Variants in GPR39 observed in about 807,000 individuals in gnomAD.
The protein encoded by GPR39 is G protein-coupled receptor 39.
GPR39 carries 23 observed loss-of-function variants against 18.4 expected under a neutral mutation model. That is an observed-to-expected ratio of 1.25 (90% CI 0.90 to 1.77). GPR39 has a LOEUF of 1.77. Ranked by LOEUF, GPR39 falls within the 40% of genes most tolerant of loss-of-function variation. The pLI is 0.00. For synonymous variants in GPR39, 280 were observed against 257.9 expected (o/e 1.09, Z -0.82); for missense variants, 647 against 602.4 (o/e 1.07, Z -0.78).
intron 1 of GPR39, among the ~76,000 whole-genome samples, chr2:132,574,738 A>C (rs543301500): frequency 6.6e-6 from 1 of 152,360 alleles, no homozygotes; most frequent in South Asian, 2.1e-4. Flanking sequence ...TTGTCGCTAA[A>C]TGAATAAATG....
chr2:132,435,412 A>G (rs1380047131), intron 1 of GPR39, among the ~76,000 whole-genome samples: 1 of 152,336 alleles, frequency 6.6e-6, no homozygotes, highest in African/African-American at 2.4e-5. Flanking sequence ...TGATTGTCTA[A>G]TAACTTTCTC....
intron 1 of GPR39, among the ~76,000 whole-genome samples, chr2:132,462,672 G>C (rs1680855860): frequency 6.6e-6 from 1 of 152,090 alleles, no homozygotes; most frequent in African/African-American, 2.4e-5. Flanking sequence ...CTGTCTAATA[G>C]TATAGAGTTT....
chr2:132,523,489 G>A (rs996278161), intron 1 of GPR39: 1 of 152,106 alleles, frequency 6.6e-6, no homozygotes, highest in African/African-American at 2.4e-5. Flanking sequence ...AAAAAAAAAG[G>A]AGTCCAATCC....
At chr2:132,617,956 G>A (rs1370320153) in intron 1 of GPR39, among the ~76,000 whole-genome samples, 1 of 152,178 alleles carries the variant, frequency 6.6e-6, no homozygotes. Context: ...TCAGAAGTGG[G>A]CTGTGGCCTG....
chr2:132,569,642 G>A (rs1221747813), intron 1 of GPR39, among the ~76,000 whole-genome samples: 1 of 151,658 alleles, frequency 6.6e-6, no homozygotes, highest in Non-Finnish European at 1.5e-5. Context: ...GGTGGGGGGG[G>A]TCCCATCGTT....
intron 1 of GPR39, among the ~76,000 whole-genome samples, chr2:132,489,401 C>T (rs1573627037): frequency 6.6e-6 from 1 of 152,114 alleles, no homozygotes; most frequent in Non-Finnish European, 1.5e-5. Flanking sequence ...CTGCTCCTAG[C>T]TCTGGTGACT....
chr2:132,425,067 A>G (rs1343726460), intron 1 of GPR39, among the ~76,000 whole-genome samples: 2 of 152,150 alleles, frequency 1.3e-5, no homozygotes, highest in African/African-American at 2.4e-5. Flanking sequence ...TCTATTGCTC[A>G]ATGGTCTATT....
At chr2:132,611,614 G>A (rs1350073917) in intron 1 of GPR39, among the ~76,000 whole-genome samples, 1 of 139,446 alleles carries the variant, frequency 7.2e-6, no homozygotes, top group Non-Finnish European at 1.5e-5. Flanking sequence ...TGAAGACCTG[G>A]AGTTTGATTT....
chr2:132,427,888 TA>T (rs1452996611), intron 1 of GPR39, among the ~76,000 whole-genome samples: 1 of 142,700 alleles, frequency 7.0e-6, no homozygotes, highest in Non-Finnish European at 1.5e-5. Context: ...TATATATATA[TA>T]ATATATATAT....
chr2:132,480,243 G>T (rs542039432), intron 1 of GPR39, among the ~76,000 whole-genome samples: 3 of 152,286 alleles, frequency 2.0e-5, no homozygotes, highest in East Asian at 3.9e-4. Context: ...GATGGTGGTT[G>T]CCAGGGACTA....
Position 132,519,443 on chromosome 2 carries a change from A to G in GPR39, c.856+101545A>G, listed in dbSNP as rs7605888. Among the ~76,000 whole-genome samples, 1,307 of 152,332 alleles carry G rather than the reference A, an allele frequency of 8.6e-3. 18 individuals are homozygous for G. The highest frequency in any genetic ancestry group is 0.029 in the African/African-American group (1,210 of 41,576). ...CATTGAGTGTTTCATCTCTTTGGCAATGTTCCTGAGGAAAGTGCATATTTA... is the reference window on the plus strand; with the variant it reads ...CATTGAGTGTTTCATCTCTTTGGCAGTGTTCCTGAGGAAAGTGCATATTTA... On this transcript the variant is annotated intron_variant, in intron 1 of 1. Coordinates refer to ENST00000329321, the MANE Select transcript of GPR39 (RefSeq NM_001508.3).
chr2:132,558,924 C>T (rs148564018), intron 1 of GPR39, among the ~76,000 whole-genome samples: 25 of 152,184 alleles, frequency 1.6e-4, no homozygotes, highest in African/African-American at 6.0e-4. Flanking sequence ...TTCAGTTGCT[C>T]CAGAAGCACA....
At chr2:132,637,943 A>G (rs773824678) in intron 1 of GPR39, among the ~76,000 whole-genome samples, 4 of 152,198 alleles carry the variant, frequency 2.6e-5, no homozygotes, top group African/African-American at 7.2e-5. Flanking sequence ...TGGGCTGGGA[A>G]TGGTTGCACA....
chr2:132,638,546 C>T (rs1681806077), intron 1 of GPR39, among the ~76,000 whole-genome samples: 1 of 152,158 alleles, frequency 6.6e-6, no homozygotes, highest in South Asian at 2.1e-4. Flanking sequence ...GGGAACACTC[C>T]TTTGAGAATT....
In GPR39 at chr2:132,417,312, G is replaced by A; in HGVS notation, c.270G>A (p.Glu90=). 1.2e-6 allele frequency: 2 copies of A among 1,614,138 alleles called. No individual in the cohort carries two copies. The highest frequency in any genetic ancestry group is 1.1e-5 in the South Asian group (1 of 91,080). ...TGTTCCTCATCGGCATGCCCATGGA[G>A]TTCTACAGCATCATCTGGAATCCCC... ...ILVFLIGMPM[E]FYSIIWNPLT... Residue 90 remains glutamate, a synonymous_variant, in exon 1 of 2, where the codon GAG becomes GAA. Transcript: ENST00000329321.
At chr2:132,452,754 A>G (rs10171693) in intron 1 of GPR39, among the ~76,000 whole-genome samples, 76,066 of 151,324 alleles carry the variant, frequency 0.5, 20,849 homozygotes, top group Non-Finnish European at 0.62. Context: ...TGTGATAGTT[A>G]GCGGAGAATG....
chr2:132,522,284 T>C (rs946832146), intron 1 of GPR39, among the ~76,000 whole-genome samples: 1 of 152,212 alleles, frequency 6.6e-6, no homozygotes, highest in Admixed American at 6.5e-5. Flanking sequence ...AAATGATCGC[T>C]CATTTATTTG....
chr2:132,550,365 A>G (rs1371714491), intron 1 of GPR39, among the ~76,000 whole-genome samples: 1 of 152,214 alleles, frequency 6.6e-6, no homozygotes, highest in East Asian at 1.9e-4. Flanking sequence ...CTTTGGATAC[A>G]AGGAACAGCG....
At chr2:132,501,054 G>GTTTTTTT (rs55720929) in intron 1 of GPR39, among the ~76,000 whole-genome samples, 4 of 90,292 alleles carry the variant, frequency 4.4e-5, no homozygotes, top group South Asian at 4.5e-4. Flanking sequence ...TATCTTTTGT[G>GTTTTTTT]TTTTTTTTTT....
Sources: gnomAD v4.1 joint callset for allele counts (sites outside exome capture counted in the v4.1 genomes callset) on GRCh38, gnomAD v4.1.1 for gene constraint, MANE v1.5 for transcripts, NCBI Gene and HGNC (gene_info 2026-07-23, HGNC 2026-07-21) for gene names.